The following SPAG4 variants were observed in gnomAD, a reference collection of about 807,000 sequenced individuals.
The protein encoded by SPAG4 is sperm associated antigen 4.
Under a neutral mutation model 53.9 loss-of-function variants are expected in SPAG4, and 54 were observed. The ratio of observed to expected loss-of-function variants is 1.00; its 90% CI spans 0.80 to 1.26. The LOEUF (loss-of-function observed/expected upper bound fraction) is 1.26, where lower values mean the gene tolerates loss of function less well. Ranked by LOEUF, SPAG4 falls within the 50% of genes most tolerant of loss-of-function variation. SPAG4 has a pLI of 0.00. For missense variants in SPAG4, 548 were observed against 568.6 expected, an observed-to-expected ratio of 0.96 and a Z score of 0.37; for synonymous variants, 246 against 237.4, an observed-to-expected ratio of 1.04 and a Z score of -0.33.
In SPAG4 at chr20:35,616,221, C is replaced by A; in HGVS notation, c.218C>A (p.Ala73Glu). 1 of 1,572,880 alleles carries A rather than the reference C, an allele frequency of 6.4e-7. No individual in the cohort carries two copies. Among genetic ancestry groups the A allele is most frequent in the Non-Finnish European group, 8.6e-7 (1 of 1,162,438 alleles). Residue 73 changes from alanine (A) to glutamate (E), a missense_variant, in exon 1 of 12, where the codon GCA (alanine) becomes GAA (glutamate). Ala to Glu is a moderately radical substitution (Grantham distance 107). Transcript: ENST00000374273. ...SAGVPGGTTW[A>E]GSSQQKPAPR... ...GGAGTGCCCGGAGGAACCACATGGG[C>A]AGGAAGCTCTCAGCAGAAGCCAGCG...
Position 35,620,791 on chromosome 20 carries a change from G to A in SPAG4, c.1167+18G>A. 2.5e-6 allele frequency: 4 copies of A among 1,613,708 alleles called. No homozygotes were observed. Among genetic ancestry groups the A allele is most frequent in the Non-Finnish European group, 3.4e-6 (4 of 1,179,668 alleles). Reference sequence around the variant, plus strand: ...ACCTGCAGGTGTGTTTGTCTCTAGGGTGAAGGTGCCAAGGGAGTGGGGCAG... The same window carrying A: ...ACCTGCAGGTGTGTTTGTCTCTAGGATGAAGGTGCCAAGGGAGTGGGGCAG... On this transcript the variant is annotated intron_variant, in intron 11 of 11. Coordinates refer to ENST00000374273, the MANE Select transcript of SPAG4 (RefSeq NM_003116.3).
chr20:35,619,082 C>T (rs977153112), intron 8 of SPAG4, 84 bp downstream of exon 8: 1 of 1,459,836 alleles, frequency 6.9e-7, no homozygotes. Flanking sequence ...TGCACCTGAC[C>T]GGCCGAAGAC....
intron 3 of SPAG4, 35 bp from the exon 4 acceptor site, chr20:35,617,744 C>T: frequency 1.2e-6 from 2 of 1,603,736 alleles, no homozygotes; most frequent in Non-Finnish European, 1.7e-6. Flanking sequence ...GAGGGTTGAG[C>T]AGGTCGGGGC....
At chr20:35,618,318 TG>T in intron 5 of SPAG4, 131 bp from the exon 6 acceptor site, 1 of 1,203,320 alleles carries the variant, frequency 8.3e-7, no homozygotes, top group South Asian at 1.3e-5. Context: ...GCTCTGATAC[TG>T]GGAGGTCAAG....
At position 35,615,901 on chromosome 20, in the gene SPAG4, G is replaced by C; in HGVS notation, c.-103G>C. 8.4e-7 allele frequency: 1 copy of C among 1,187,678 alleles called. No individual in the cohort carries two copies. The highest frequency in any genetic ancestry group is 1.5e-5 in the South Asian group (1 of 68,834). 73.6% of individuals were successfully genotyped at this position (1,187,678 alleles called of 1,614,324 possible). A position where few individuals can be genotyped will look rare whatever the true frequency, so the allele number is the denominator to read the frequency against. On this transcript the variant is annotated 5_prime_UTR_variant, in exon 1 of 12. Coordinates refer to ENST00000374273, the MANE Select transcript of SPAG4 (RefSeq NM_003116.3). The stretch of plus-strand genomic sequence containing the variant: ...GCGGGGCCTGCCGACTTCACGCAGG[G>C]TCCGTGGGGTCCCCGCGGCGCGCAG...
At chr20:35,616,384 T>A (rs1053082496) in intron 1 of SPAG4, 77 bp downstream of exon 1, 1 of 1,421,574 alleles carries the variant, frequency 7.0e-7, no homozygotes, top group Non-Finnish European at 9.1e-7. Context: ...GGGACGGGGC[T>A]AAGATGATAT....
At position 35,618,734 on chromosome 20, in the gene SPAG4, C is replaced by A. The variant is rs190786242; in HGVS notation, c.717+14C>A. The A allele has an allele frequency of 6.4e-7, 1 of 1,556,986 alleles. No homozygotes were observed. The highest frequency in any genetic ancestry group is 8.7e-7 in the Non-Finnish European group (1 of 1,145,238). On this transcript the variant is annotated intron_variant, in intron 7 of 11. Transcript: ENST00000374273. ...GCCAACAGCGAGGTGAGCCCCGGCC[C>A]ACCTTGGAAACCCCTGATGGATCCC...
chr20:35,616,434 G>A (rs938332550), intron 1 of SPAG4, 127 bp downstream of exon 1: 14 of 1,356,880 alleles, frequency 1.0e-5, no homozygotes, highest in African/African-American at 4.6e-5. Context: ...AGGGTAAAGG[G>A]ATGGTGCTAA....
rs1232071547 is a variant in SPAG4, at chr20:35,617,197, G to A, written c.366G>A (p.Leu122=). The part of the protein sequence containing the change: ...EPLDLLPTLD[L]RQEMPPPRVF... The stretch of plus-strand genomic sequence containing the variant: ...TCGACCTTCTCCCGACCCTGGATCT[G>A]AGGCAGGAGATGCCTCCCCCGCGGG... The change falls in exon 2 of 12, where the codon CTG becomes CTA. Residue 122 remains leucine, a synonymous_variant. Transcript: ENST00000374273. The A allele has an allele frequency of 1.3e-5, 21 of 1,602,708 alleles. No individual in the cohort carries two copies. Among genetic ancestry groups the A allele is most frequent in the Non-Finnish European group, 1.8e-5 (21 of 1,174,904 alleles).
rs2031421164 is a variant in SPAG4, at chr20:35,617,289, TC to T, written c.409+51del. ...CCCCTCTGACCCTCGGGTTCCCCTC[TC>T]CGAACTCCAGTTCTCTCTGAGCCCC... On this transcript the variant is annotated intron_variant, in intron 2 of 11. Coordinates refer to ENST00000374273, the MANE Select transcript of SPAG4 (RefSeq NM_003116.3). The T allele has an allele frequency of 3.0e-6, 4 of 1,338,736 alleles. No homozygotes were observed. In the East Asian group the frequency reaches 9.9e-5, roughly 33 times the overall value. 82.9% of individuals were successfully genotyped at this position (1,338,736 alleles called of 1,614,324 possible). A position where few individuals can be genotyped will look rare whatever the true frequency, so the allele number is the denominator to read the frequency against.
intron 8 of SPAG4, 37 bp from the exon 9 acceptor site, chr20:35,619,158 C>G: frequency 6.7e-7 from 1 of 1,481,544 alleles, no homozygotes; most frequent in Non-Finnish European, 9.3e-7. Flanking sequence ...CCCGGCAAGG[C>G]CTGGGAGCCT....
intron 8 of SPAG4, 84 bp from the exon 9 acceptor site, chr20:35,619,111 C>CCCCCCCG: frequency 9.1e-7 from 1 of 1,103,886 alleles, no homozygotes; most frequent in Non-Finnish European, 1.3e-6. Flanking sequence ...GGACAGCCCC[C>CCCCCCCG]ACCCGCCCCC....
intron 1 of SPAG4, chr20:35,616,905 C>T: frequency 1.8e-6 from 1 of 551,006 alleles, no homozygotes; most frequent in Non-Finnish European, 3.3e-6. Context: ...GCTGGGATTA[C>T]AGGCGTGAGC....
chr20:35,619,387 G>T lies in SPAG4; in HGVS notation c.909+77G>T. On this transcript the variant is annotated intron_variant, in intron 9 of 11. Transcript: ENST00000374273. ...GCACCAAAACCCCGCCCTACAGGCGGAGCTTGGCTGAGCCGAGGGCGTGGA... is the reference window on the plus strand; with the variant it reads ...GCACCAAAACCCCGCCCTACAGGCGTAGCTTGGCTGAGCCGAGGGCGTGGA... The T allele has an allele frequency of 1.4e-6, 2 of 1,453,230 alleles. 1 individual carries two copies. The highest frequency in any genetic ancestry group is 2.3e-5 in the South Asian group (2 of 87,700). 90.0% of individuals were successfully genotyped at this position (1,453,230 alleles called of 1,614,324 possible). A position where few individuals can be genotyped will look rare whatever the true frequency, so the allele number is the denominator to read the frequency against.
intron 1 of SPAG4, among the ~76,000 whole-genome samples, chr20:35,616,654 C>T (rs1798913008): frequency 6.9e-6 from 1 of 145,768 alleles, no homozygotes; most frequent in East Asian, 2.0e-4. Context: ...TTTTTTGCAA[C>T]GGAGTTTCGC....
intron 1 of SPAG4, chr20:35,616,881 C>G (rs575807895): frequency 9.9e-6 from 5 of 504,400 alleles, no homozygotes; most frequent in Middle Eastern, 5.2e-4. Flanking sequence ...CCGCCCGCCT[C>G]GGCCTCCCAA....
Position 35,619,297 on chromosome 20 carries a change from C to T in SPAG4, c.896C>T (p.Thr299Met), listed in dbSNP as rs1457240944. The part of the protein sequence containing the change: ...FSFWNYARPP[T>M]VILEPHVFPG... ...TTCTGGAACTACGCACGGCCGCCCA[C>T]GGTTATCCTGGAGGTGAGTCTGGAA... Residue 299 changes from threonine (T) to methionine (M), a missense_variant, in exon 9 of 12, where the codon ACG becomes ATG. Transcript: ENST00000374273. 2.5e-6 allele frequency: 4 copies of T among 1,613,570 alleles called. No individual in the cohort carries two copies. Among genetic ancestry groups the T allele is most frequent in the East Asian group, 2.2e-5 (1 of 44,884 alleles).
rs1026129597 is a variant in SPAG4 at position 35,617,237 on chromosome 20, C to G, written c.406C>G (p.Leu136Val). The change falls in exon 2 of 12, where the codon CTG becomes GTG. Residue 136 changes from leucine (L) to valine (V), a missense_variant. Transcript: ENST00000374273. ...TCCCCCGCGGGTGTTCAAGAGCTTT[C>G]TGAGTACGGGCCAGGCCAGCTGCGA... ...MPPPRVFKSF[L>V]SLLFQGLSVL... 2.5e-6 allele frequency: 4 copies of G among 1,592,632 alleles called. No homozygotes were observed. The highest frequency in any genetic ancestry group is 3.4e-6 in the Non-Finnish European group (4 of 1,168,788).
At chr20:35,618,577 G>C (rs1441027504) in intron 6 of SPAG4, 35 bp from the exon 7 acceptor site, 1 of 1,597,858 alleles carries the variant, frequency 6.3e-7, no homozygotes, top group Admixed American at 1.8e-5. Flanking sequence ...GGGGGACAGG[G>C]AGCCAACCCC....
Sources: gnomAD v4.1 joint callset for allele counts (sites outside exome capture counted in the v4.1 genomes callset) on GRCh38, gnomAD v4.1.1 for gene constraint, MANE v1.5 for transcripts, NCBI Gene and HGNC (gene_info 2026-07-23, HGNC 2026-07-21) for gene names.